The following DMAC2 variants were observed in gnomAD, a reference collection of about 807,000 sequenced individuals.
DMAC2 encodes distal membrane-arm assembly complex protein 2.
Under a neutral mutation model 29.6 loss-of-function variants are expected in DMAC2, and 32 were observed. The ratio of observed to expected loss-of-function variants is 1.08; its 90% confidence interval spans 0.81 to 1.45. The LOEUF (loss-of-function observed/expected upper bound fraction) is 1.45. Among genes scored for constraint, DMAC2 ranks in the 40% most tolerant of loss-of-function variants. The pLI is 0.00. For synonymous variants in DMAC2, 133 were observed against 137.4 expected (o/e 0.97, Z 0.23); for missense variants, 319 against 340.0 (o/e 0.94, Z 0.49).
At position 41,439,848 on chromosome 19, in the gene DMAC2, C is replaced by T. The variant is rs782261038; in HGVS notation, c.18+34G>A. On this transcript the variant is annotated intron_variant, in intron 1 of 5. Coordinates refer to ENST00000221943, the MANE Select transcript of DMAC2 (RefSeq NM_018035.3). ...AATGCGGAGGCTGTAGAGCGGACTT[C>T]AAATTTGGGGCTCTAGGAACTCCGG... The T allele has an allele frequency of 9.3e-6, 15 of 1,614,076 alleles. No homozygotes were observed. The South Asian group carries it at 1.3e-4, about 14-fold the overall frequency.
intron 1 of DMAC2, chr19:41,438,946 ATTT>A (rs11347788): frequency 1.0e-3 from 132 of 127,480 alleles, no homozygotes; most frequent in Non-Finnish European, 1.1e-3. Flanking sequence ...TATTTTTGTG[ATTT>A]TTTTTTTTTT....
intron 1 of DMAC2, chr19:41,439,605 C>T: frequency 6.6e-7 from 1 of 1,504,920 alleles, no homozygotes; most frequent in Non-Finnish European, 8.9e-7. Flanking sequence ...ATTGGTTAGT[C>T]GCGTCGCTCT....
chr19:41,437,700 G>GA (rs1162579425), intron 2 of DMAC2, among the ~76,000 whole-genome samples: 391 of 124,304 alleles, frequency 3.1e-3, no homozygotes, highest in Non-Finnish European at 3.7e-3. Context: ...CTCCATCTCA[G>GA]AAAAAAAAAA....
intron 3 of DMAC2, among the ~76,000 whole-genome samples, chr19:41,434,233 TCAAAAAAAAAA>T (rs2122223096): frequency 7.0e-6 from 1 of 142,150 alleles, no homozygotes; most frequent in Non-Finnish European, 1.5e-5. Flanking sequence ...AGACTCCATC[TCAAAAAAAAAA>T]CAAAAAAACA....
At chr19:41,439,697 C>A in intron 1 of DMAC2, 185 bp downstream of exon 1, 1 of 1,305,460 alleles carries the variant, frequency 7.7e-7, no homozygotes, top group Non-Finnish European at 1.1e-6. Context: ...TCTCCTCCGC[C>A]TGCGACCCTC....
At chr19:41,437,859 C>G (rs782755674) in intron 2 of DMAC2, among the ~76,000 whole-genome samples, 5 of 152,148 alleles carry the variant, frequency 3.3e-5, no homozygotes, top group Non-Finnish European at 7.4e-5. Flanking sequence ...GGCAGGGAAG[C>G]AAAGAGAGGA....
chr19:41,438,523 A>T (rs2039991331), intron 1 of DMAC2, 109 bp from the exon 2 acceptor site: 1 of 922,364 alleles, frequency 1.1e-6, no homozygotes, highest in Non-Finnish European at 1.6e-6. Context: ...TTCCCAACTC[A>T]CCCTAAGTTC....
At chr19:41,434,791 G>A (rs1434823834) in intron 3 of DMAC2, among the ~76,000 whole-genome samples, 1 of 152,108 alleles carries the variant, frequency 6.6e-6, no homozygotes, top group Non-Finnish European at 1.5e-5. Context: ...GATCACTTGA[G>A]GTCAGGGGTT....
In DMAC2 at chr19:41,436,407, TGCTTCA is replaced by T. The variant is rs782646502; in HGVS notation, c.275_280del (p.Leu92_Lys93del). Reference sequence around the variant, plus strand: ...GCGGTCATACTTGACTGCGCCTCCCTGCTTCAGGATGAAAAAGGCACCTGCGCCGTA... The same window carrying T: ...GCGGTCATACTTGACTGCGCCTCCCTGGATGAAAAAGGCACCTGCGCCGTA... On this transcript the variant is annotated inframe_deletion, in exon 3 of 6. Coordinates refer to ENST00000221943, the MANE Select transcript of DMAC2 (RefSeq NM_018035.3). 5.5e-5 allele frequency: 89 copies of T among 1,614,016 alleles called. No homozygotes were observed. The highest frequency in any genetic ancestry group is 7.3e-5 in the Non-Finnish European group (86 of 1,180,014).
Position 41,431,530 on chromosome 19 carries a change from G to T in DMAC2, c.*701C>A. The T allele has an allele frequency of 5.7e-6, 2 of 349,376 alleles. No homozygotes were observed. Among genetic ancestry groups the T allele is most frequent in the East Asian group, 7.6e-5 (1 of 13,148 alleles). The allele number at this position is 349,376 out of a possible 1,614,324, so 21.6% of individuals were successfully genotyped here. A position where few individuals can be genotyped will look rare whatever the true frequency, so the allele number is the denominator to read the frequency against. The stretch of plus-strand genomic sequence containing the variant: ...AGGGTGCCAAGGGCAGCTGCTGACC[G>T]CCTGGTGCTTCAGGAGCTGGGTGCT... On this transcript the variant is annotated 3_prime_UTR_variant, in exon 6 of 6. Transcript: ENST00000221943.
intron 5 of DMAC2, chr19:41,432,653 CGTGTGT>C (rs782279895): frequency 1.4e-4 from 30 of 220,632 alleles, no homozygotes; most frequent in Admixed American, 1.8e-4. Context: ...TACAGGACAG[CGTGTGT>C]GTGTGTGTGT....
rs1555770188 is a variant in DMAC2, at chr19:41,433,530, C to G, written c.433+7G>C. 6.2e-7 allele frequency: 1 copy of G among 1,614,240 alleles called. No individual in the cohort carries two copies. Among genetic ancestry groups the G allele is most frequent in the East Asian group, 2.2e-5 (1 of 44,888 alleles). ...GGCCTGTCCCATCTCCACCCCACCG[C>G]ACTCACGGAGGTTATCCAGGCCCTC... is the stretch of plus-strand genomic sequence containing the variant. On this transcript the variant is annotated splice_region_variant and intron_variant, in intron 4 of 5. Transcript: ENST00000221943.
At chr19:41,438,471 T>G in intron 1 of DMAC2, 57 bp from the exon 2 acceptor site, 1 of 1,449,948 alleles carries the variant, frequency 6.9e-7, no homozygotes, top group Non-Finnish European at 9.3e-7. Context: ...GACACAGAGC[T>G]GGATCCCCCA....
intron 3 of DMAC2, among the ~76,000 whole-genome samples, chr19:41,435,007 CAA>C (rs200031507): frequency 3.7e-5 from 5 of 135,114 alleles, no homozygotes. Flanking sequence ...ACTCTTGTCT[CAA>C]AAAAAAAAAA....
Position 41,432,282 on chromosome 19 carries a change from C to A in DMAC2, c.723G>T (p.Lys241Asn). The A allele has an allele frequency of 6.2e-7, 1 of 1,614,176 alleles. No individual in the cohort carries two copies. Among genetic ancestry groups the A allele is most frequent in the Non-Finnish European group, 8.5e-7 (1 of 1,180,014 alleles). Residue 241 changes from lysine (K) to asparagine (N), a missense_variant, in exon 6 of 6, where the codon AAG becomes AAT. Lys to Asn is a moderately conservative substitution (Grantham distance 94). Transcript: ENST00000221943. ...CCCGAGGCTGCTCCTCCGGCCCTGA[C>A]TTCAGGCCCTCAGCCCAGTCGACTC... ...VVGVDWAEGL[K>N]SGPEEQPRDT...
chr19:41,434,904 G>A (rs935743653), intron 3 of DMAC2, among the ~76,000 whole-genome samples: 6 of 151,942 alleles, frequency 3.9e-5, no homozygotes, highest in African/African-American at 7.3e-5. Context: ...TACTTGGGAG[G>A]CTGAGGCAGG....
intron 5 of DMAC2, 112 bp from the exon 6 acceptor site, chr19:41,432,520 G>A (rs1568516479): frequency 1.8e-5 from 18 of 1,016,582 alleles, no homozygotes; most frequent in Non-Finnish European, 1.8e-5. Context: ...AGGTAAGCCA[G>A]TGTAAGGACA....
In DMAC2 at chr19:41,432,202, A is replaced by T; in HGVS notation, c.*29T>A. The T allele has an allele frequency of 6.2e-7, 1 of 1,600,766 alleles. No individual in the cohort carries two copies. Among genetic ancestry groups the T allele is most frequent in the Non-Finnish European group, 8.5e-7 (1 of 1,171,560 alleles). ...AGACATTCCATGCAGCCCGCTGAGA[A>T]GCCACGTGAGTGGGGACAGGGCTAA... On this transcript the variant is annotated 3_prime_UTR_variant, in exon 6 of 6. Coordinates refer to ENST00000221943, the MANE Select transcript of DMAC2 (RefSeq NM_018035.3).
intron 1 of DMAC2, among the ~76,000 whole-genome samples, chr19:41,438,782 C>A (rs2040003957): frequency 6.6e-6 from 1 of 152,090 alleles, no homozygotes; most frequent in Non-Finnish European, 1.5e-5. Context: ...CAAATGACTT[C>A]TTTCTTTCCC....
Sources: allele counts gnomAD v4.1 joint callset (sites outside exome capture counted in the v4.1 genomes callset), GRCh38; gene constraint gnomAD v4.1.1; transcripts MANE v1.5; gene names NCBI Gene and HGNC (gene_info 2026-07-23, HGNC 2026-07-21).